The following MCTP2 variants were observed in gnomAD, a reference collection of about 807,000 sequenced individuals.
The protein encoded by MCTP2 is multiple C2 and transmembrane domain containing 2.
In MCTP2, 132 loss-of-function variants were observed where a neutral mutation model predicts 111.6. The observed-to-expected ratio is 1.18, with a 90% CI of 1.03 to 1.37. The LOEUF is 1.37. Ranked by LOEUF, MCTP2 falls within the 40% of genes most tolerant of loss-of-function variation. The pLI is 0.00. For synonymous variants in MCTP2, 395 were observed against 387.7 expected, an observed-to-expected ratio of 1.02 and a Z score of -0.22; for missense variants, 1,183 against 1,067.9, an observed-to-expected ratio of 1.11 and a Z score of -1.50.
intron 18 of MCTP2, among the ~76,000 whole-genome samples, chr15:94,442,173 C>T (rs2083820625): frequency 1.3e-5 from 2 of 152,206 alleles, no homozygotes; most frequent in Middle Eastern, 3.2e-3. Context: ...TGTTGTCTAA[C>T]ACTGAGCTTT....
rs199555430 is a variant in MCTP2, at chr15:94,399,960, C to T, written c.1930C>T (p.Arg644Cys). The T allele has an allele frequency of 5.7e-5, 92 of 1,613,988 alleles. No individual in the cohort carries two copies. In the African/African-American group the frequency reaches 8.0e-4, roughly 14 times the overall value. The part of the protein sequence containing the change: ...SIRTFTPREK[R>C]FVEDSRKLSK... Reference sequence around the variant, plus strand: ...TAGGACTTTTACTCCCCGGGAAAAGCGCTTTGTTGAAGACAGCCGCAAGCT... The same window carrying T: ...TAGGACTTTTACTCCCCGGGAAAAGTGCTTTGTTGAAGACAGCCGCAAGCT... The change falls in exon 16 of 23, where the codon CGC (arginine) becomes TGC (cysteine). Residue 644 changes from arginine (R) to cysteine (C), a missense_variant. Coordinates refer to ENST00000357742, the MANE Select transcript of MCTP2 (RefSeq NM_001385001.1).
rs767685107 is a variant in MCTP2, at chr15:94,394,049, CAA to C, written c.1789-4890_1789-4889del. 4.1e-3 allele frequency among the ~76,000 whole-genome samples: 252 copies of C among 61,734 alleles called. 1 individual carries two copies. Among genetic ancestry groups the C allele is most frequent in the Middle Eastern group, 0.031 (3 of 96 alleles). The allele number at this position is 61,734 out of a possible 152,430, so 40.5% of individuals were successfully genotyped here. A position where few individuals can be genotyped will look rare whatever the true frequency, so the allele number is the denominator to read the frequency against. On this transcript the variant is annotated intron_variant, in intron 14 of 22. Coordinates refer to ENST00000357742, the MANE Select transcript of MCTP2 (RefSeq NM_001385001.1). The stretch of plus-strand genomic sequence containing the variant: ...TGGGCAATAGAGCAGAACTCCATCT[CAA>C]AAAAAAAAAAAAAAAAAAAAATGTA...
intron 16 of MCTP2, among the ~76,000 whole-genome samples, chr15:94,400,343 G>A (rs896428401): frequency 3.3e-5 from 5 of 152,118 alleles, no homozygotes; most frequent in African/African-American, 1.2e-4. Context: ...CAGCCATTTT[G>A]TCCTCTGCCC....
chr15:94,415,242 G>A (rs909725624), intron 17 of MCTP2, among the ~76,000 whole-genome samples: 2 of 152,040 alleles, frequency 1.3e-5, no homozygotes, highest in African/African-American at 4.8e-5. Flanking sequence ...GAAAGGTGAC[G>A]CTCCTTGTCA....
intron 20 of MCTP2, 81 bp from the exon 21 acceptor site, chr15:94,470,252 A>G: frequency 1.9e-6 from 2 of 1,066,226 alleles, no homozygotes; most frequent in Non-Finnish European, 2.8e-6. Flanking sequence ...ATAATTATGA[A>G]CATGAAATAA....
intron 9 of MCTP2, among the ~76,000 whole-genome samples, chr15:94,356,984 CTA>C (rs2078660718): frequency 6.6e-6 from 1 of 151,946 alleles, no homozygotes; most frequent in Admixed American, 6.6e-5. Context: ...GGAATATTTC[CTA>C]TGTTTTATGG....
intron 2 of MCTP2, among the ~76,000 whole-genome samples, chr15:94,304,042 G>T (rs146915897): frequency 1.2e-3 from 183 of 152,318 alleles, no homozygotes; most frequent in African/African-American, 4.2e-3. Flanking sequence ...TGTACTAACT[G>T]TCCAGTGGTC....
intron 21 of MCTP2, among the ~76,000 whole-genome samples, chr15:94,474,259 G>C (rs944643046): frequency 6.6e-6 from 1 of 152,114 alleles, no homozygotes; most frequent in East Asian, 1.9e-4. Context: ...TAGTATTAAA[G>C]GCTCTTTTCC....
intron 17 of MCTP2, among the ~76,000 whole-genome samples, chr15:94,415,123 T>G (rs1411087911): frequency 6.6e-6 from 1 of 151,878 alleles, no homozygotes; most frequent in East Asian, 1.9e-4. Flanking sequence ...ATTATGTGTC[T>G]GAGGTCTGAT....
In MCTP2 at chr15:94,481,907, C is replaced by G. The variant is rs1341702179; in HGVS notation, c.*2873C>G. 1 of 152,152 alleles carries G rather than the reference C, an allele frequency of 6.6e-6. No individual in the cohort carries two copies. The highest frequency in any genetic ancestry group is 1.9e-4 in the East Asian group (1 of 5,198). The allele number at this position is 152,152 out of a possible 1,614,324, so 9.4% of individuals were successfully genotyped here. A position where few individuals can be genotyped will look rare whatever the true frequency, so the allele number is the denominator to read the frequency against. On this transcript the variant is annotated 3_prime_UTR_variant, in exon 23 of 23. Transcript: ENST00000357742. ...ATTGGATAGATTAGTATGATCTATC[C>G]TGGAGATTCATTTCTTGCATTAAGA...
chr15:94,415,209 C>A (rs926939411), intron 17 of MCTP2, among the ~76,000 whole-genome samples: 1 of 152,130 alleles, frequency 6.6e-6, no homozygotes, highest in African/African-American at 2.4e-5. Flanking sequence ...TCAGACACTT[C>A]CTTAAAGGAT....
chr15:94,468,340 CAGATTTATT>C (rs1596832441), intron 20 of MCTP2, among the ~76,000 whole-genome samples: 2 of 151,988 alleles, frequency 1.3e-5, no homozygotes, highest in East Asian at 3.9e-4. Context: ...AATTATGGTT[CAGATTTATT>C]CAATCAATTT....
At chr15:94,326,680 G>A (rs112769204) in intron 4 of MCTP2, among the ~76,000 whole-genome samples, 1 of 151,688 alleles carries the variant, frequency 6.6e-6, no homozygotes, top group Non-Finnish European at 1.5e-5. Flanking sequence ...CAATTCTCCT[G>A]CCTCAGCCTC....
At position 94,245,325 on chromosome 15, in the gene MCTP2, C is replaced by T. The variant is rs182622445; in HGVS notation, c.-66+13661C>T. Among the ~76,000 whole-genome samples, 379 of 138,590 alleles carry T rather than the reference C, an allele frequency of 2.7e-3. 2 individuals carry two copies. The highest frequency in any genetic ancestry group is 8.6e-3 in the African/African-American group (331 of 38,340). The allele number at this position is 138,590 out of a possible 152,430, so 90.9% of individuals were successfully genotyped here. A position where few individuals can be genotyped will look rare whatever the true frequency, so the allele number is the denominator to read the frequency against. On this transcript the variant is annotated intron_variant, in intron 1 of 22. Transcript: ENST00000357742. ...ATATACATATATGTACATATATTTA[C>T]ATACATATGTGTAGATATTTACATA...
intron 17 of MCTP2, among the ~76,000 whole-genome samples, chr15:94,414,502 G>A (rs1040849662): frequency 1.3e-5 from 2 of 152,180 alleles, no homozygotes; most frequent in East Asian, 1.9e-4. Flanking sequence ...TCTTGAAAAT[G>A]TTTATAATAA....
chr15:94,381,229 C>T (rs938577494), intron 12 of MCTP2, among the ~76,000 whole-genome samples: 9 of 152,150 alleles, frequency 5.9e-5, no homozygotes, highest in Admixed American at 5.9e-4. Flanking sequence ...TCAAAGTCCC[C>T]ATATATCTGA....
At chr15:94,261,745 T>G (rs985779807) in intron 1 of MCTP2, among the ~76,000 whole-genome samples, 7 of 151,722 alleles carry the variant, frequency 4.6e-5, no homozygotes, top group African/African-American at 1.7e-4. Flanking sequence ...ATAAAAGAAA[T>G]AGTTTTTTTC....
intron 2 of MCTP2, among the ~76,000 whole-genome samples, chr15:94,299,141 G>A (rs2075473633): frequency 6.7e-6 from 1 of 148,686 alleles, no homozygotes; most frequent in South Asian, 2.1e-4. Context: ...AATTAATGCA[G>A]TATTGATTGC....
intron 18 of MCTP2, among the ~76,000 whole-genome samples, chr15:94,441,094 C>T (rs923603387): frequency 6.6e-6 from 1 of 152,116 alleles, no homozygotes; most frequent in East Asian, 1.9e-4. Context: ...AATTTTCTTT[C>T]TAGATGGATC....
Sources: allele counts gnomAD v4.1 joint callset (sites outside exome capture counted in the v4.1 genomes callset), GRCh38; gene constraint gnomAD v4.1.1; transcripts MANE v1.5; gene names NCBI Gene and HGNC (gene_info 2026-07-23, HGNC 2026-07-21).